ANKS4B: variants seen among roughly 807,000 people sequenced by gnomAD.
ANKS4B encodes ankyrin repeat and sterile alpha motif domain containing 4B.
A neutral mutation model predicts 20.2 loss-of-function variants in ANKS4B; 21 were observed. That is an observed-to-expected ratio of 1.04 (90% CI 0.74 to 1.50). The LOEUF (loss-of-function observed/expected upper bound fraction) is 1.50, where lower values mean the gene tolerates loss of function less well. Among genes scored for constraint, ANKS4B ranks in the 40% most tolerant of loss-of-function variants. ANKS4B has a pLI of 0.00. For synonymous variants in ANKS4B, 179 were observed against 194.5 expected (o/e 0.92, Z 0.66); for missense variants, 473 against 494.6 (o/e 0.96, Z 0.41).
intron 1 of ANKS4B, among the ~76,000 whole-genome samples, chr16:21,237,799 T>C (rs1472317187): frequency 6.6e-6 from 1 of 152,136 alleles, no homozygotes; most frequent in East Asian, 1.9e-4. Context: ...AATAGTTTTG[T>C]GTGTGTGTAA....
intron 1 of ANKS4B, among the ~76,000 whole-genome samples, chr16:21,238,595 T>G (rs1024498025): frequency 6.6e-6 from 1 of 152,184 alleles, no homozygotes; most frequent in African/African-American, 2.4e-5. Flanking sequence ...TCATTTGTTA[T>G]TTTAAATACT....
chr16:21,243,817 C>G (rs1294194836), intron 1 of ANKS4B: 1 of 152,134 alleles, frequency 6.6e-6, no homozygotes, highest in African/African-American at 2.4e-5. Flanking sequence ...TCGTGATCCA[C>G]CCACCTTGGC....
chr16:21,239,948 G>A (rs988652488), intron 1 of ANKS4B, among the ~76,000 whole-genome samples: 3 of 152,014 alleles, frequency 2.0e-5, no homozygotes, highest in Admixed American at 6.6e-5. Flanking sequence ...ACCTGCACAT[G>A]TACTCCTGAA....
At chr16:21,248,603 G>A (rs2093335155) in intron 1 of ANKS4B, among the ~76,000 whole-genome samples, 1 of 151,822 alleles carries the variant, frequency 6.6e-6, no homozygotes, top group African/African-American at 2.4e-5. Context: ...AGTGGTGGGT[G>A]CCTGCAGTCC....
rs764495084 is a variant in ANKS4B, at chr16:21,250,519, A to AAGAGGG, written c.959_964dup (p.Gly320_Glu321dup). ...GAGGCTGATGAGGGTGCAGCTGATG[A>AAGAGGG]AGAGGGAGAGGAAAACGGCCTCAAA... On this transcript the variant is annotated inframe_insertion, in exon 2 of 2. Transcript: ENST00000311620. 1.2e-5 allele frequency: 19 copies of AAGAGGG among 1,614,050 alleles called. No individual in the cohort carries two copies. In the Admixed American group the frequency reaches 3.0e-4, roughly 25 times the overall value.
At chr16:21,237,082 G>A (rs1001707997) in intron 1 of ANKS4B, among the ~76,000 whole-genome samples, 12 of 151,970 alleles carry the variant, frequency 7.9e-5, no homozygotes, top group East Asian at 7.8e-4. Context: ...GTGCAGTAGC[G>A]TGATCTTGGC....
chr16:21,240,158 A>G (rs939620264), intron 1 of ANKS4B, among the ~76,000 whole-genome samples: 1 of 152,122 alleles, frequency 6.6e-6, no homozygotes, highest in Non-Finnish European at 1.5e-5. Context: ...AAGATGGAAA[A>G]CAATCATTAC....
rs537369169 is a variant in ANKS4B at position 21,253,460 on chromosome 16, T to C, written c.*2640T>C. On this transcript the variant is annotated 3_prime_UTR_variant, in exon 2 of 2. Coordinates refer to ENST00000311620, the MANE Select transcript of ANKS4B (RefSeq NM_145865.3). Reference sequence around the variant, plus strand: ...CCTTCATTAACGTGCACAGAAGCAGTTGGCAAATAGAAAGTGCTCAAAAAA... The same window carrying C: ...CCTTCATTAACGTGCACAGAAGCAGCTGGCAAATAGAAAGTGCTCAAAAAA... The C allele has an allele frequency of 1.3e-5, 2 of 152,356 alleles. No homozygotes were observed. Among genetic ancestry groups the C allele is most frequent in the East Asian group, 1.9e-4 (1 of 5,194 alleles). 9.4% of individuals were successfully genotyped at this position (152,356 alleles called of 1,614,324 possible).
At chr16:21,241,262 G>A (rs8059984) in intron 1 of ANKS4B, among the ~76,000 whole-genome samples, 6,630 of 152,176 alleles carry the variant, frequency 0.044, 470 homozygotes, top group African/African-American at 0.15. Context: ...GTCTGTTGTT[G>A]CTATCTTTAC....
At chr16:21,234,545 A>G (rs1463139831) in intron 1 of ANKS4B, among the ~76,000 whole-genome samples, 1 of 150,918 alleles carries the variant, frequency 6.6e-6, no homozygotes, top group East Asian at 2.0e-4. Flanking sequence ...CCAGATTTTA[A>G]TGGAGGAGTA....
intron 1 of ANKS4B, among the ~76,000 whole-genome samples, chr16:21,243,537 GTGTC>G (rs955341064): frequency 3.3e-5 from 5 of 152,172 alleles, no homozygotes; most frequent in African/African-American, 1.2e-4. Flanking sequence ...ATTTGGAAAT[GTGTC>G]TGTAAGTAGA....
In ANKS4B at chr16:21,233,970, G is replaced by C. The variant is rs2093316997; in HGVS notation, c.164+69G>C. 11 of 1,417,312 alleles carry C rather than the reference G, an allele frequency of 7.8e-6. No individual in the cohort carries two copies. The South Asian group carries it at 1.4e-4, about 18-fold the overall frequency. 87.8% of individuals were successfully genotyped at this position (1,417,312 alleles called of 1,614,324 possible). ...TAGGTTTTTGCAGACAGCAGCAAGA[G>C]GCAGGGACGTCAATACAAATACTTT... is the stretch of plus-strand genomic sequence containing the variant. On this transcript the variant is annotated intron_variant, in intron 1 of 1. Transcript: ENST00000311620.
At chr16:21,237,593 C>CAAA (rs35450922) in intron 1 of ANKS4B, among the ~76,000 whole-genome samples, 5 of 125,368 alleles carry the variant, frequency 4.0e-5, no homozygotes, top group South Asian at 4.9e-4. Flanking sequence ...AAGGAAGGGG[C>CAAA]AAAAAAAAAA....
intron 1 of ANKS4B, among the ~76,000 whole-genome samples, chr16:21,238,259 T>C (rs1275250577): frequency 6.6e-6 from 1 of 152,228 alleles, no homozygotes; most frequent in Non-Finnish European, 1.5e-5. Context: ...AAATTCTTTT[T>C]ATGCTTAAAA....
intron 1 of ANKS4B, among the ~76,000 whole-genome samples, chr16:21,246,594 A>G (rs2093332681): frequency 6.6e-6 from 1 of 152,178 alleles, no homozygotes; most frequent in African/African-American, 2.4e-5. Context: ...TACTTTTTAC[A>G]TGAAGAAACC....
At chr16:21,249,393 C>G (rs2093335938) in intron 1 of ANKS4B, among the ~76,000 whole-genome samples, 1 of 152,196 alleles carries the variant, frequency 6.6e-6, no homozygotes, top group African/African-American at 2.4e-5. Context: ...GGAGAATCAC[C>G]TGAGCCTGGG....
intron 1 of ANKS4B, among the ~76,000 whole-genome samples, chr16:21,235,976 AG>A (rs2093319812): frequency 6.6e-6 from 1 of 152,184 alleles, no homozygotes; most frequent in African/African-American, 2.4e-5. Flanking sequence ...ACAAACTGCA[AG>A]ATGTCAGTTA....
At chr16:21,240,501 C>A (rs1291336822) in intron 1 of ANKS4B, among the ~76,000 whole-genome samples, 1 of 152,116 alleles carries the variant, frequency 6.6e-6, no homozygotes, top group East Asian at 1.9e-4. Flanking sequence ...GTTGGCCAGG[C>A]TGGTCTGATT....
intron 1 of ANKS4B, among the ~76,000 whole-genome samples, chr16:21,249,258 C>G (rs1260217884): frequency 6.6e-6 from 1 of 152,176 alleles, no homozygotes; most frequent in African/African-American, 2.4e-5. Flanking sequence ...CCAAGGCAAG[C>G]AGATGGCTTG....
Sources: gnomAD v4.1 joint callset for allele counts (sites outside exome capture counted in the v4.1 genomes callset) on GRCh38, gnomAD v4.1.1 for gene constraint, MANE v1.5 for transcripts, NCBI Gene and HGNC (gene_info 2026-07-23, HGNC 2026-07-21) for gene names.